PUDP: variants seen among roughly 807,000 people sequenced by gnomAD.
The protein encoded by PUDP is pseudouridine 5'-phosphatase.
PUDP carries 8 observed loss-of-function variants against 9.4 expected under a neutral mutation model. The observed-to-expected ratio is 0.85, with a 90% CI of 0.50 to 1.53. The LOEUF (loss-of-function observed/expected upper bound fraction) is 1.53, where lower values mean the gene tolerates loss of function less well. Ranked by LOEUF, PUDP falls within the 40% of genes most tolerant of loss-of-function variation. The pLI is 0.00. For missense variants in PUDP, 188 were observed against 189.7 expected, an observed-to-expected ratio of 0.99 and a Z score of 0.05; for synonymous variants, 99 against 80.7, an observed-to-expected ratio of 1.23 and a Z score of -1.22.
intron 1 of PUDP, among the ~76,000 whole-genome samples, chrX:7,129,412 T>C (rs999683225): frequency 8.9e-5 from 10 of 111,983 alleles, no homozygotes; most frequent in Admixed American, 6.6e-4. Flanking sequence ...ACACATGCCA[T>C]GTTGGACCCG....
At chrX:7,134,169 T>C (rs1195907914) in intron 1 of PUDP, among the ~76,000 whole-genome samples, 1 of 112,236 alleles carries the variant, frequency 8.9e-6, no homozygotes, top group Non-Finnish European at 1.9e-5. Context: ...AGGCTTCAGT[T>C]ACCAACGCAG....
At chrX:6,723,432 C>CAAAAAAAAAAAAAAAAA (rs549361509), upstream of PUDP, among the ~76,000 whole-genome samples, 4 of 17,340 alleles carry the variant, frequency 2.3e-4, no homozygotes, top group Admixed American at 9.9e-4. Context: ...GAGGCTCTGT[C>CAAAAAAAAAAAAAAAAA]AAAAAAAAAA....
At chrX:7,011,392 C>T (rs1049233407) in intron 1 of PUDP, among the ~76,000 whole-genome samples, 3 of 111,659 alleles carry the variant, frequency 2.7e-5, no homozygotes, top group Non-Finnish European at 5.6e-5. Context: ...AGCATTTGTA[C>T]ACTGTGTCTG....
intron 3 of PUDP, among the ~76,000 whole-genome samples, chrX:6,891,556 C>G: frequency 8.9e-6 from 1 of 112,407 alleles, no homozygotes. Context: ...CCTTTCTCCT[C>G]TCTGTCAGCC....
intron 1 of PUDP, among the ~76,000 whole-genome samples, chrX:7,024,841 T>C (rs1448343518): frequency 9.7e-6 from 1 of 103,390 alleles, no homozygotes; most frequent in Non-Finnish European, 2.0e-5. Flanking sequence ...TCTGCCCACC[T>C]TGGCTTCCCA....
At chrX:6,716,149 C>T (rs1469764555) in intron 1 of PUDP, among the ~76,000 whole-genome samples, 1 of 110,378 alleles carries the variant, frequency 9.1e-6, no homozygotes, top group Non-Finnish European at 1.9e-5. Flanking sequence ...CTCCAATTCG[C>T]TTACATAGCT....
chrX:6,844,236 T>G (rs1246761212), intron 3 of PUDP, among the ~76,000 whole-genome samples: 2 of 113,038 alleles, frequency 1.8e-5, no homozygotes, highest in African/African-American at 6.4e-5. Context: ...ATCTTCTCAT[T>G]TTAAGTTCAG....
chrX:7,031,647 C>A (rs774238523), intron 1 of PUDP, among the ~76,000 whole-genome samples: 53 of 112,366 alleles, frequency 4.7e-4, no homozygotes, highest in Non-Finnish European at 8.4e-4. Flanking sequence ...GCCACTTACG[C>A]AGTCCATTGA....
At chrX:6,717,245 C>T (rs1054355488) in intron 1 of PUDP, among the ~76,000 whole-genome samples, 1 of 111,409 alleles carries the variant, frequency 9.0e-6, no homozygotes, top group African/African-American at 3.3e-5. Flanking sequence ...ATGGCTAGCA[C>T]CTGGGGCACT....
chrX:7,145,226 A>G (rs1474480764), intron 1 of PUDP, among the ~76,000 whole-genome samples: 1 of 112,463 alleles, frequency 8.9e-6, no homozygotes, highest in Non-Finnish European at 1.9e-5. Context: ...TAGGTTACAT[A>G]ACATACATCA....
chrX:7,098,258 G>A (rs1434244100), intron 2 of PUDP, among the ~76,000 whole-genome samples: 1 of 112,381 alleles, frequency 8.9e-6, no homozygotes, highest in Non-Finnish European at 1.9e-5. Context: ...ACCTCTGGAG[G>A]CTGGGAAGTC....
At chrX:7,104,924 A>C (rs559169692) in intron 2 of PUDP, among the ~76,000 whole-genome samples, 24 of 112,143 alleles carry the variant, frequency 2.1e-4, no homozygotes, top group African/African-American at 7.8e-4. Context: ...CTCCCCTAGC[A>C]CCAGGAATTC....
At chrX:7,019,247 T>C (rs1235243453) in intron 1 of PUDP, among the ~76,000 whole-genome samples, 2 of 112,164 alleles carry the variant, frequency 1.8e-5, no homozygotes, top group Non-Finnish European at 3.8e-5. Context: ...AACCCTCTCT[T>C]GGGGTCTGGA....
chrX:6,714,157 G>T (rs1924568306), intron 1 of PUDP, among the ~76,000 whole-genome samples: 1 of 111,682 alleles, frequency 9.0e-6, no homozygotes, highest in Non-Finnish European at 1.9e-5. Context: ...CTCCCAAAGT[G>T]CTGGGATTAC....
chrX:6,795,363 C>T (rs1325174464), intron 3 of PUDP, among the ~76,000 whole-genome samples: 1 of 111,767 alleles, frequency 8.9e-6, no homozygotes, highest in Non-Finnish European at 1.9e-5. Flanking sequence ...GACACAAATC[C>T]TCTGGGTCAG....
At chrX:6,857,090 G>A (rs1926917987) in intron 3 of PUDP, among the ~76,000 whole-genome samples, 1 of 112,574 alleles carries the variant, frequency 8.9e-6, no homozygotes, top group Non-Finnish European at 1.9e-5. Flanking sequence ...AAACCAAGAG[G>A]TTAAAATCTG....
At chrX:6,760,622 G>A (rs1257446773) in intron 3 of PUDP, among the ~76,000 whole-genome samples, 1 of 111,848 alleles carries the variant, frequency 8.9e-6, no homozygotes, top group African/African-American at 3.2e-5. Flanking sequence ...AGAGCCACAC[G>A]TCGAAAATCA....
At chrX:7,086,321 C>CAT (rs777713535) in intron 2 of PUDP, among the ~76,000 whole-genome samples, 224 of 112,216 alleles carry the variant, frequency 2.0e-3, no homozygotes, top group African/African-American at 6.8e-3. Context: ...TATTCACATT[C>CAT]ATATATATAG....
intron 3 of PUDP, among the ~76,000 whole-genome samples, chrX:6,941,021 C>T (rs182948121): frequency 1.0e-3 from 114 of 111,832 alleles, no homozygotes; most frequent in Middle Eastern, 4.7e-3. Flanking sequence ...GTTGCAATGG[C>T]CCTCCCTCTT....
Sources: gnomAD v4.1 joint callset for allele counts (sites outside exome capture counted in the v4.1 genomes callset) on GRCh38, gnomAD v4.1.1 for gene constraint, MANE v1.5 for transcripts, NCBI Gene and HGNC (gene_info 2026-07-23, HGNC 2026-07-21) for gene names.